ZNF569: variants seen among roughly 807,000 people sequenced by gnomAD.
ZNF569 encodes zinc finger protein 569.
Under a neutral mutation model 56.3 loss-of-function variants are expected in ZNF569, and 38 were observed. That is an observed-to-expected ratio of 0.68 (90% confidence interval 0.52 to 0.88). ZNF569 has a LOEUF of 0.88. ZNF569 is among the 40% of genes least tolerant of loss of function. ZNF569 has a pLI of 0.00. For synonymous variants in ZNF569, 241 were observed against 262.9 expected, an observed-to-expected ratio of 0.92 and a Z score of 0.81; for missense variants, 666 against 809.2, an observed-to-expected ratio of 0.82 and a Z score of 2.15.
At chr19:37,433,363 G>A (rs1279386520) in intron 3 of ZNF569, among the ~76,000 whole-genome samples, 1 of 152,148 alleles carries the variant, frequency 6.6e-6, no homozygotes, top group Non-Finnish European at 1.5e-5. Context: ...CTAGAAAATA[G>A]CTTCAAATGG....
intron 3 of ZNF569, among the ~76,000 whole-genome samples, chr19:37,441,004 C>T (rs2041395247): frequency 6.6e-6 from 1 of 152,190 alleles, no homozygotes; most frequent in East Asian, 1.9e-4. Context: ...CACTCACTGG[C>T]TCCAAACACG....
At chr19:37,439,269 C>G (rs2041364971) in intron 3 of ZNF569, among the ~76,000 whole-genome samples, 4 of 152,128 alleles carry the variant, frequency 2.6e-5, no homozygotes, top group Admixed American at 2.6e-4. Flanking sequence ...CGGGGTTTCA[C>G]CATGTTGACC....
rs746115419 is a variant in ZNF569, at chr19:37,413,040, G to A, written c.1618C>T (p.His540Tyr). The change falls in exon 6 of 6, where the codon CAT becomes TAT. Residue 540 changes from histidine (H) to tyrosine (Y), a missense_variant. By Grantham distance (83) the His-to-Tyr change is moderately conservative. Coordinates refer to ENST00000316950, the MANE Select transcript of ZNF569 (RefSeq NM_152484.3). Reference sequence around the variant, plus strand: ...TTTTCCCCTGTATGACTTCTCAAATGAAGGGTAAGGGATGCAATTTGAGAG... The same window carrying A: ...TTTTCCCCTGTATGACTTCTCAAATAAAGGGTAAGGGATGCAATTTGAGAG... The part of the protein sequence containing the change: ...AFSQIASLTL[H>Y]LRSHTGEKPY... The A allele has an allele frequency of 6.2e-7, 1 of 1,613,982 alleles. No individual in the cohort carries two copies.
chr19:37,434,861 C>T (rs1307002475), intron 3 of ZNF569, among the ~76,000 whole-genome samples: 1 of 152,240 alleles, frequency 6.6e-6, no homozygotes, highest in Non-Finnish European at 1.5e-5. Flanking sequence ...CCTAACTCCA[C>T]CACCTATCCC....
chr19:37,461,541 G>A (rs775659262), intron 2 of ZNF569, among the ~76,000 whole-genome samples: 2 of 151,924 alleles, frequency 1.3e-5, no homozygotes, highest in Non-Finnish European at 2.9e-5. Flanking sequence ...TCTTGATCTC[G>A]CAATGTGCCC....
At chr19:37,461,613 T>C (rs1307733406) in intron 2 of ZNF569, among the ~76,000 whole-genome samples, 1 of 152,152 alleles carries the variant, frequency 6.6e-6, no homozygotes, top group Non-Finnish European at 1.5e-5. Context: ...CCCATCCTTC[T>C]ATGTCTCACC....
Position 37,448,492 on chromosome 19 carries a change from C to T in ZNF569, c.-43-3528G>A, listed in dbSNP as rs750281555. On this transcript the variant is annotated intron_variant, in intron 2 of 5. Transcript: ENST00000316950. ...TTTATTGATCTTTTCAAAGAACAAG[C>T]CTTTAGTTCACTGATTTTTCTCCAT... is the stretch of plus-strand genomic sequence containing the variant. Among the ~76,000 whole-genome samples the T allele has an allele frequency of 2.0e-5, 3 of 150,538 alleles. No individual in the cohort carries two copies. In the East Asian group the frequency reaches 5.8e-4, roughly 29 times the overall value.
intron 3 of ZNF569, among the ~76,000 whole-genome samples, chr19:37,426,780 T>C (rs957861939): frequency 6.6e-6 from 1 of 152,190 alleles, no homozygotes; most frequent in Non-Finnish European, 1.5e-5. Flanking sequence ...ATTTAGCAGT[T>C]GGATGTATTG....
At chr19:37,420,778 CA>C (rs1428424712) in intron 5 of ZNF569, among the ~76,000 whole-genome samples, 1 of 152,188 alleles carries the variant, frequency 6.6e-6, no homozygotes, top group Non-Finnish European at 1.5e-5. Flanking sequence ...CACCTGGAAA[CA>C]TAAATCCTTT....
intron 2 of ZNF569, among the ~76,000 whole-genome samples, chr19:37,453,339 C>A (rs2041624155): frequency 6.6e-6 from 1 of 152,118 alleles, no homozygotes; most frequent in African/African-American, 2.4e-5. Context: ...TTTCTGATTT[C>A]TCACAAACAG....
intron 2 of ZNF569, among the ~76,000 whole-genome samples, chr19:37,461,302 A>C (rs1430076234): frequency 6.7e-6 from 1 of 150,002 alleles, no homozygotes; most frequent in African/African-American, 2.5e-5. Context: ...AAAACATATG[A>C]AAAATATCCT....
At chr19:37,460,911 C>CA (rs1316194645) in intron 2 of ZNF569, among the ~76,000 whole-genome samples, 1 of 151,880 alleles carries the variant, frequency 6.6e-6, no homozygotes, top group African/African-American at 2.4e-5. Flanking sequence ...AAACACTTAA[C>CA]AAAAAAATTT....
At position 37,425,970 on chromosome 19, in the gene ZNF569, A is replaced by C. The variant is rs752684603; in HGVS notation, c.143-7T>G. The C allele has an allele frequency of 5.0e-6, 8 of 1,613,564 alleles. No individual in the cohort carries two copies. Among genetic ancestry groups the C allele is most frequent in the Non-Finnish European group, 5.9e-6 (7 of 1,179,736 alleles). ...GGTTTGGTGAACGGATAGCCTGTCA[A>C]AGGGAAGTTACATAGATTTGGGCAT... On this transcript the variant is annotated splice_region_variant and splice_polypyrimidine_tract_variant and intron_variant, in intron 4 of 5. Transcript: ENST00000316950.
chr19:37,428,665 G>A (rs938818548), intron 3 of ZNF569, among the ~76,000 whole-genome samples: 17 of 151,052 alleles, frequency 1.1e-4, no homozygotes, highest in African/African-American at 4.1e-4. Context: ...GTATATATCT[G>A]TGGTTGAATT....
Position 37,413,805 on chromosome 19 carries a change from G to T in ZNF569, c.853C>A (p.Leu285Ile). The change falls in exon 6 of 6, where the codon CTT (leucine) becomes ATT (isoleucine). Residue 285 changes from leucine to isoleucine, a missense_variant. Coordinates refer to ENST00000316950, the MANE Select transcript of ZNF569 (RefSeq NM_152484.3). ...CEKSFSQKSN[L>I]IDHEKIHTGE... ...GTATGAATTTTTTCATGATCAATAA[G>T]ATTTGATTTCTGGCTGAAGGACTTC... 6.2e-7 allele frequency: 1 copy of T among 1,613,598 alleles called. No individual in the cohort carries two copies. Among genetic ancestry groups the T allele is most frequent in the African/African-American group, 1.3e-5 (1 of 75,002 alleles).
intron 3 of ZNF569, among the ~76,000 whole-genome samples, chr19:37,436,142 C>A (rs1471313036): frequency 6.6e-6 from 1 of 152,112 alleles, no homozygotes; most frequent in Non-Finnish European, 1.5e-5. Flanking sequence ...TATAAGATAT[C>A]TTCTCTAACC....
In ZNF569 at chr19:37,437,015, C is replaced by CAA. The variant is rs368735580; in HGVS notation, c.15+7890_15+7891dup. Among the ~76,000 whole-genome samples the CAA allele has an allele frequency of 5.5e-3, 553 of 100,132 alleles. 4 individuals are homozygous for CAA. The highest frequency in any genetic ancestry group is 0.014 in the African/African-American group (391 of 28,944). The allele number at this position is 100,132 out of a possible 152,430, so 65.7% of individuals were successfully genotyped here. A position where few individuals can be genotyped will look rare whatever the true frequency, so the allele number is the denominator to read the frequency against. ...ATACGAAAACCAGACCAAGACACAT[C>CAA]AAAAAAAAAAAAAAAAAGAAAGCTA... On this transcript the variant is annotated intron_variant, in intron 3 of 5. Transcript: ENST00000316950.
rs1294286388 is a variant in ZNF569 at position 37,419,975 on chromosome 19, T to TG, written c.239-5557_239-5556insC. ...TTTCTTTTTTCTTTTCTTTCTTTTT[T>TG]TTTTTTTTTTTTTTTGAGACAGAGT... On this transcript the variant is annotated intron_variant, in intron 5 of 5. Coordinates refer to ENST00000316950, the MANE Select transcript of ZNF569 (RefSeq NM_152484.3). Among the ~76,000 whole-genome samples, 23 of 139,306 alleles carry TG rather than the reference T, an allele frequency of 1.7e-4. No individual in the cohort carries two copies. The East Asian group carries it at 3.9e-3, about 24-fold the overall frequency. 91.4% of individuals were successfully genotyped at this position (139,306 alleles called of 152,430 possible). A position where few individuals can be genotyped will look rare whatever the true frequency, so the allele number is the denominator to read the frequency against.
At chr19:37,423,648 A>T (rs1235908597) in intron 5 of ZNF569, among the ~76,000 whole-genome samples, 1 of 152,198 alleles carries the variant, frequency 6.6e-6, no homozygotes, top group Non-Finnish European at 1.5e-5. Context: ...CACAAGAAAA[A>T]CATATGACAG....
Sources: gnomAD v4.1 joint callset for allele counts (sites outside exome capture counted in the v4.1 genomes callset) on GRCh38, gnomAD v4.1.1 for gene constraint, MANE v1.5 for transcripts, NCBI Gene and HGNC (gene_info 2026-07-23, HGNC 2026-07-21) for gene names.